The following SYNE2 variants were observed in gnomAD, a reference collection of about 807,000 sequenced individuals.
SYNE2 encodes spectrin repeat containing nuclear envelope protein 2.
In SYNE2, 431 loss-of-function variants were observed where a neutral mutation model predicts 856.3. That is an observed-to-expected ratio of 0.50 (90% CI 0.47 to 0.55). SYNE2 has a LOEUF of 0.55. SYNE2 is among the 20% of genes least tolerant of loss of function. The probability of loss-of-function intolerance (pLI) is 0.00; values close to 1 mark genes in which losing one functional copy is unlikely to be tolerated. For missense variants in SYNE2, 8,129 were observed against 8,023.2 expected (o/e 1.01, Z -0.50); for synonymous variants, 2,923 against 2,872.3 (o/e 1.02, Z -0.56).
Position 64,002,122 on chromosome 14 carries a change from G to A in SYNE2, c.3786+41G>A, listed in dbSNP as rs987719393. The A allele has an allele frequency of 1.5e-5, 22 of 1,456,598 alleles. No individual in the cohort carries two copies. In the East Asian group the frequency reaches 2.3e-4, roughly 15 times the overall value. 90.2% of individuals were successfully genotyped at this position (1,456,598 alleles called of 1,614,324 possible). The stretch of plus-strand genomic sequence containing the variant: ...CTCACAGTGTATTTACAGAATAATC[G>A]AGTCTTTTGAGATTTATAAATCCTT... On this transcript the variant is annotated intron_variant, in intron 29 of 115. Transcript: ENST00000555002.
In SYNE2 at chr14:63,924,831, GGT is replaced by G. The variant is rs200540576; in HGVS notation, c.79+15607_79+15608del. Among the ~76,000 whole-genome samples, 85 of 30,120 alleles carry G rather than the reference GGT, an allele frequency of 2.8e-3. 8 individuals are homozygous for G. Among genetic ancestry groups the G allele is most frequent in the African/African-American group, 4.0e-3 (28 of 7,074 alleles). 19.8% of individuals were successfully genotyped at this position (30,120 alleles called of 152,430 possible). On this transcript the variant is annotated intron_variant, in intron 2 of 115. Coordinates refer to ENST00000555002, the MANE Select transcript of SYNE2 (RefSeq NM_182914.3). The stretch of plus-strand genomic sequence containing the variant: ...ATTTAACTTTTTTCCTTCCAGCCTT[GGT>G]GTTTTTTTTTTTTTTTTTTTTTTTT...
intron 1 of SYNE2, among the ~76,000 whole-genome samples, chr14:63,765,107 A>G (rs995194334): frequency 2.6e-5 from 4 of 152,106 alleles, no homozygotes; most frequent in Admixed American, 6.6e-5. Flanking sequence ...GGTACGGGAG[A>G]GAGGGGGAGA....
chr14:64,185,840 T>C (rs1596075556), intron 96 of SYNE2, among the ~76,000 whole-genome samples: 1 of 152,222 alleles, frequency 6.6e-6, no homozygotes, highest in East Asian at 1.9e-4. Flanking sequence ...TTTTAAAAGA[T>C]AGATGTTTCC....
At position 64,129,788 on chromosome 14, in the gene SYNE2, G is replaced by C; in HGVS notation, c.14026G>C (p.Asp4676His). The C allele has an allele frequency of 6.2e-7, 1 of 1,614,152 alleles. No homozygotes were observed. Among genetic ancestry groups the C allele is most frequent in the Non-Finnish European group, 8.5e-7 (1 of 1,180,034 alleles). The change falls in exon 75 of 116, where the codon GAT becomes CAT. Residue 4676 changes from aspartate to histidine, a missense_variant. By Grantham distance (81) the Asp-to-His change is moderately conservative. This residue lies in a region of SYNE2 where 5,410 missense variants were observed against 5,284.8 expected (regional missense o/e 1.02). Coordinates refer to ENST00000555002, the MANE Select transcript of SYNE2 (RefSeq NM_182914.3). Reference sequence around the variant, plus strand: ...TGTATTGTCTCTCACTTAGAAAGCAGATGCATATACAGTGGAGCTGGAGAA... The same window carrying C: ...TGTATTGTCTCTCACTTAGAAAGCACATGCATATACAGTGGAGCTGGAGAA... ...QSVAEQLQKADAYTVELENAE... is the reference protein window; with the variant it reads ...QSVAEQLQKAHAYTVELENAE...
rs1234893185 is a variant in SYNE2 at position 63,981,135 on chromosome 14, G to T, written c.1798G>T (p.Ala600Ser). Residue 600 changes from alanine to serine, a missense_variant, in exon 16 of 116, where the codon GCT (alanine) becomes TCT (serine). Ala to Ser is a moderately conservative substitution (Grantham distance 99). Around this residue, in one of 3 missense-constraint regions of SYNE2, gnomAD observed 2,422 missense variants for 2,357.4 expected, o/e 1.03. Coordinates refer to ENST00000555002, the MANE Select transcript of SYNE2 (RefSeq NM_182914.3). ...TGTGGAAAACCTTCGCTTACTAAGG[G>T]CTTGCTTTGAGGAGACAAAGAAGGA... The part of the protein sequence containing the change: ...TYVENLRLLR[A>S]CFEETKKEEI... 6.2e-7 allele frequency: 1 copy of T among 1,613,618 alleles called. No individual in the cohort carries two copies. The highest frequency in any genetic ancestry group is 2.2e-5 in the East Asian group (1 of 44,836).
intron 19 of SYNE2, among the ~76,000 whole-genome samples, chr14:63,989,424 A>G (rs528608635): frequency 3.3e-5 from 5 of 151,446 alleles, no homozygotes; most frequent in Admixed American, 6.6e-5. Context: ...TACAATCTCT[A>G]CCTCCCAGGT....
chr14:63,880,351 C>T (rs1182333132), intron 1 of SYNE2, among the ~76,000 whole-genome samples: 2 of 152,118 alleles, frequency 1.3e-5, no homozygotes, highest in African/African-American at 4.8e-5. Flanking sequence ...CTCGGCCTCC[C>T]AAAGTGCTGG....
chr14:63,897,514 T>C (rs2153304082), intron 1 of SYNE2, among the ~76,000 whole-genome samples: 1 of 152,376 alleles, frequency 6.6e-6, no homozygotes, highest in East Asian at 1.9e-4. Flanking sequence ...TATTCTTGAA[T>C]GTGTCTCCTT....
At chr14:63,857,547 A>G (rs536462579) in intron 1 of SYNE2, among the ~76,000 whole-genome samples, 1 of 152,334 alleles carries the variant, frequency 6.6e-6, no homozygotes, top group South Asian at 2.1e-4. Context: ...AAGAACTACT[A>G]TACTTTTCCA....
chr14:64,098,069 G>A lies in SYNE2; in HGVS notation c.12229G>A (p.Gly4077Arg), dbSNP rs1008498138. The A allele has an allele frequency of 4.3e-6, 7 of 1,614,202 alleles. No individual in the cohort carries two copies. The highest frequency in any genetic ancestry group is 5.1e-6 in the Non-Finnish European group (6 of 1,180,040). Residue 4077 changes from glycine to arginine, a missense_variant, in exon 62 of 116, where the codon GGA becomes AGA. Physicochemically the swap from Gly to Arg is moderately radical, Grantham distance 125 (BLOSUM62 -2). Coordinates refer to ENST00000555002, the MANE Select transcript of SYNE2 (RefSeq NM_182914.3). ...CCAGCATTTGAAGCAAGAACAAGAA[G>A]GAGTAGAAAGAGATAGGCTGCCAGC... is the stretch of plus-strand genomic sequence containing the variant. ...LHQHLKQEQEGVERDRLPAVT... is the reference protein window; with the variant it reads ...LHQHLKQEQERVERDRLPAVT...
intron 16 of SYNE2, 113 bp downstream of exon 16, chr14:63,981,286 G>C (rs1278022159): frequency 2.1e-6 from 2 of 961,446 alleles, no homozygotes; most frequent in East Asian, 4.9e-5. Context: ...CAGTGTTTTG[G>C]AAAATTCTTC....
At chr14:63,979,981 T>G (rs946672521) in intron 14 of SYNE2, among the ~76,000 whole-genome samples, 4 of 152,138 alleles carry the variant, frequency 2.6e-5, no homozygotes, top group African/African-American at 7.2e-5. Context: ...TTTAAAAAAA[T>G]GATAAAGAGA....
chr14:63,960,014 A>G (rs1258766838), intron 8 of SYNE2, among the ~76,000 whole-genome samples: 1 of 152,238 alleles, frequency 6.6e-6, no homozygotes, highest in Non-Finnish European at 1.5e-5. Flanking sequence ...TGCAAACCAA[A>G]TACCATAGTC....
At position 63,840,819 on chromosome 14, in the gene SYNE2, C is replaced by T. The variant is rs1890043111; in HGVS notation, c.-304-11682C>T. On this transcript the variant is annotated intron_variant, in intron 1 of 23. Coordinates refer to the SYNE2 transcript ENST00000674003. ...CCTGAGGTCGGGAGTTTGAGACCAG[C>T]CTGACCAACATGGAGAAACCCCATC... Among the ~76,000 whole-genome samples the T allele has an allele frequency of 1.3e-5, 2 of 152,152 alleles. 1 individual carries two copies. The highest frequency in any genetic ancestry group is 4.2e-4 in the South Asian group (2 of 4,818).
chr14:64,178,243 A>C (rs1487838482), intron 96 of SYNE2, among the ~76,000 whole-genome samples: 1 of 152,190 alleles, frequency 6.6e-6, no homozygotes, highest in East Asian at 1.9e-4. Context: ...CTTTGTTGTA[A>C]AAATGTCTGA....
chr14:64,144,257 A>G (rs1006185247), intron 83 of SYNE2, among the ~76,000 whole-genome samples: 7 of 152,234 alleles, frequency 4.6e-5, no homozygotes, highest in Admixed American at 4.6e-4. Flanking sequence ...TACATTTTCT[A>G]TGAAAGCAGA....
At chr14:63,799,563 G>T (rs1216724117) in intron 1 of SYNE2, among the ~76,000 whole-genome samples, 1 of 151,946 alleles carries the variant, frequency 6.6e-6, no homozygotes, top group Non-Finnish European at 1.5e-5. Context: ...ATTTAGCCGG[G>T]CGTGGTGGCG....
chr14:64,165,195 C>G, intron 89 of SYNE2, 90 bp from the exon 90 acceptor site: 1 of 1,449,362 alleles, frequency 6.9e-7, no homozygotes. Context: ...CCAAAAACAT[C>G]TTGAATTTTT....
At chr14:64,124,799 T>A (rs2097925170) in intron 70 of SYNE2, among the ~76,000 whole-genome samples, 1 of 152,046 alleles carries the variant, frequency 6.6e-6, no homozygotes, top group African/African-American at 2.4e-5. Context: ...GGTCACGAGT[T>A]CAAGAATAGC....
Sources: allele counts gnomAD v4.1 joint callset (sites outside exome capture counted in the v4.1 genomes callset), GRCh38; gene constraint gnomAD v4.1.1; regional missense constraint gnomAD v4.1.1; transcripts MANE v1.5; gene names NCBI Gene and HGNC (gene_info 2026-07-23, HGNC 2026-07-21).